The following SLC5A4 variants were observed in gnomAD, a reference collection of about 807,000 sequenced individuals.
SLC5A4 encodes solute carrier family 5 member 4, also known as probable glucose sensor protein SLC5A4.
A neutral mutation model predicts 70.3 loss-of-function variants in SLC5A4; 55 were observed. The observed-to-expected ratio is 0.78, with a 90% CI of 0.63 to 0.98. SLC5A4 has a LOEUF of 0.98. Ranked by LOEUF, SLC5A4 falls within the 50% of genes least tolerant of loss-of-function variation. The pLI, the probability that SLC5A4 is intolerant of heterozygous loss-of-function variation, is 0.00. For synonymous variants in SLC5A4, 268 were observed against 305.7 expected, an observed-to-expected ratio of 0.88 and a Z score of 1.29; for missense variants, 735 against 839.2, an observed-to-expected ratio of 0.88 and a Z score of 1.53.
chr22:32,285,415 T>C, the SLC5A4 span, among the ~76,000 whole-genome samples: 3 of 152,196 alleles, frequency 2.0e-5, no homozygotes, highest in African/African-American at 4.8e-5. Flanking sequence ...AATAGATTTA[T>C]AGATTTATTT....
chr22:32,278,083 C>G, the SLC5A4 span, among the ~76,000 whole-genome samples: 1 of 152,134 alleles, frequency 6.6e-6, no homozygotes, highest in African/African-American at 2.4e-5. Context: ...TACAAGAACT[C>G]CCTGGGTCTA....
the SLC5A4 span, among the ~76,000 whole-genome samples, chr22:32,294,386 GAGA>G: frequency 0.14 from 21,497 of 152,092 alleles, 1,721 homozygotes; most frequent in East Asian, 0.33. Context: ...ATGCAATTGT[GAGA>G]AGTAGTACAG....
At chr22:32,228,210 G>T (rs1925518651) in intron 11 of SLC5A4, among the ~76,000 whole-genome samples, 1 of 152,082 alleles carries the variant, frequency 6.6e-6, no homozygotes, top group Non-Finnish European at 1.5e-5. Context: ...TTTTCTTTAT[G>T]TGTGCTGTAC....
In SLC5A4 at chr22:32,233,047, C is replaced by G; in HGVS notation, c.886-13G>C. The G allele has an allele frequency of 1.2e-6, 2 of 1,609,176 alleles. No homozygotes were observed. The highest frequency in any genetic ancestry group is 1.7e-5 in the Admixed American group (1 of 59,116). ...GCTGCACAATGACCTGCCGGGAGAA[C>G]GTGACACACTCATGAAACAAGCCAG... On this transcript the variant is annotated splice_polypyrimidine_tract_variant and intron_variant, in intron 8 of 14. Coordinates refer to ENST00000266086, the MANE Select transcript of SLC5A4 (RefSeq NM_014227.3).
the SLC5A4 span, among the ~76,000 whole-genome samples, chr22:32,334,149 C>T: frequency 6.6e-6 from 1 of 151,778 alleles, no homozygotes; most frequent in Non-Finnish European, 1.5e-5. Context: ...AGACAACACA[C>T]ACACCCCATG....
intron 14 of SLC5A4, 49 bp downstream of exon 14, chr22:32,220,871 C>T (rs1225084904): frequency 8.8e-7 from 1 of 1,140,728 alleles, no homozygotes; most frequent in South Asian, 1.2e-5. Flanking sequence ...CATAAACAAG[C>T]CTGTGCACAG....
At chr22:32,327,698 C>T in the SLC5A4 span, among the ~76,000 whole-genome samples, 1 of 152,152 alleles carries the variant, frequency 6.6e-6, no homozygotes, top group Non-Finnish European at 1.5e-5. Flanking sequence ...CTTCCCATCC[C>T]CTGCAGACCT....
Position 32,254,180 on chromosome 22 carries a change from C to T in SLC5A4, c.169G>A (p.Gly57Ser). ...MLKTNRGTIGGFFLAGRDMAW... is the reference protein window; with the variant it reads ...MLKTNRGTIGSFFLAGRDMAW... ...ATATCACGACCAGCGAGGAAGAAGCCTCCTATAGTACCTCGGTTGGTCTTC... is the reference window on the plus strand; with the variant it reads ...ATATCACGACCAGCGAGGAAGAAGCTTCCTATAGTACCTCGGTTGGTCTTC... The change falls in exon 2 of 15, where the codon GGC becomes AGC. Residue 57 changes from glycine (G) to serine (S), a missense_variant. Coordinates refer to ENST00000266086, the MANE Select transcript of SLC5A4 (RefSeq NM_014227.3). 6.2e-7 allele frequency: 1 copy of T among 1,614,092 alleles called. No individual in the cohort carries two copies. The highest frequency in any genetic ancestry group is 8.5e-7 in the Non-Finnish European group (1 of 1,179,952).
rs1252955418 is a variant in SLC5A4, at chr22:32,248,760, T to C, written c.355A>G (p.Ile119Val). The change falls in exon 4 of 15, where the codon ATC becomes GTC. Residue 119 changes from isoleucine to valine, a missense_variant. Ile to Val is a conservative substitution (Grantham distance 29). Transcript: ENST00000266086. ...ATACTCACCCCCGACTTGATGTAGATAGGGACAAAGATCCACCCAAGAATC... is the reference window on the plus strand; with the variant it reads ...ATACTCACCCCCGACTTGATGTAGACAGGGACAAAGATCCACCCAAGAATC... ...LLILGWIFVP[I>V]YIKSGVMTMP... The C allele has an allele frequency of 3.7e-6, 6 of 1,612,940 alleles. No individual in the cohort carries two copies. In the African/African-American group the frequency reaches 4.0e-5, roughly 11 times the overall value.
chr22:32,278,159 T>C, the SLC5A4 span, among the ~76,000 whole-genome samples: 27 of 152,248 alleles, frequency 1.8e-4, no homozygotes, highest in African/African-American at 6.3e-4. Flanking sequence ...TTTTGAACTA[T>C]GACAACTAAG....
At chr22:32,219,444 C>T (rs911328956) in intron 14 of SLC5A4, among the ~76,000 whole-genome samples, 8 of 150,736 alleles carry the variant, frequency 5.3e-5, no homozygotes, top group African/African-American at 1.5e-4. Context: ...TCACAATTAA[C>T]GTAAGATTAT....
Position 32,251,510 on chromosome 22 carries a change from CCTCT to C in SLC5A4, c.312+256_312+259del, listed in dbSNP as rs113394070. On this transcript the variant is annotated intron_variant, in intron 3 of 14. Transcript: ENST00000266086. ...TTCTCTCTCTCTCTCATCCTCCATC[CCTCT>C]CTCTCTCTCTCTCTCTCTCTCGTGC... 2.8e-3 allele frequency among the ~76,000 whole-genome samples: 414 copies of C among 145,826 alleles called. 2 individuals are homozygous for C. Among genetic ancestry groups the C allele is most frequent in the African/African-American group, 9.8e-3 (388 of 39,612 alleles).
At chr22:32,343,964 C>T in the SLC5A4 span, among the ~76,000 whole-genome samples, 4 of 151,998 alleles carry the variant, frequency 2.6e-5, no homozygotes, top group Admixed American at 1.3e-4. Context: ...CTGTAGGCTT[C>T]GAACAGTTGT....
At chr22:32,336,871 G>A in the SLC5A4 span, among the ~76,000 whole-genome samples, 2 of 152,232 alleles carry the variant, frequency 1.3e-5, no homozygotes, top group African/African-American at 4.8e-5. Context: ...TCTGTTCCCA[G>A]AACTTAACAC....
At chr22:32,325,597 G>A in the SLC5A4 span, among the ~76,000 whole-genome samples, 3 of 152,240 alleles carry the variant, frequency 2.0e-5, no homozygotes, top group South Asian at 4.1e-4. Context: ...TGATCCCGAG[G>A]CTGTGGGGAG....
chr22:32,334,080 AG>A, the SLC5A4 span, among the ~76,000 whole-genome samples: 35 of 149,752 alleles, frequency 2.3e-4, no homozygotes, highest in African/African-American at 7.8e-4. Context: ...ACACTATGCC[AG>A]ACAACACACA....
the SLC5A4 span, among the ~76,000 whole-genome samples, chr22:32,291,899 G>A: frequency 2.5e-4 from 34 of 138,080 alleles, 1 homozygote; most frequent in African/African-American, 8.5e-4. Flanking sequence ...TGGAGATGGA[G>A]TCTCATTCTG....
At chr22:32,331,772 C>T in the SLC5A4 span, among the ~76,000 whole-genome samples, 1 of 152,084 alleles carries the variant, frequency 6.6e-6, no homozygotes, top group Non-Finnish European at 1.5e-5. Flanking sequence ...ACATCCGAGG[C>T]CAGATCCCAT....
chr22:32,294,000 A>G, the SLC5A4 span, among the ~76,000 whole-genome samples: 1 of 152,034 alleles, frequency 6.6e-6, no homozygotes, highest in Non-Finnish European at 1.5e-5. Flanking sequence ...CCTTGAAGTT[A>G]ATCTCCACCC....
Sources: gnomAD v4.1 joint callset for allele counts (sites outside exome capture counted in the v4.1 genomes callset) on GRCh38, gnomAD v4.1.1 for gene constraint, MANE v1.5 for transcripts, NCBI Gene and HGNC (gene_info 2026-07-23, HGNC 2026-07-21) for gene names.